Variants in ROCK2 observed in about 807,000 individuals in gnomAD.
The protein encoded by ROCK2 is rho-associated protein kinase 2.
ROCK2 carries 61 observed loss-of-function variants against 195.1 expected under a neutral mutation model. That is an observed-to-expected ratio of 0.31 (90% confidence interval 0.25 to 0.39). The LOEUF (loss-of-function observed/expected upper bound fraction) is 0.39, where lower values mean the gene tolerates loss of function less well. Ranked by LOEUF, ROCK2 falls within the 10% of genes least tolerant of loss-of-function variation. ROCK2 has a pLI of 1.00. For missense variants in ROCK2, 1,109 were observed against 1,637.4 expected (o/e 0.68, Z 5.57); for synonymous variants, 504 against 545.5 (o/e 0.92, Z 1.06).
intron 1 of ROCK2, among the ~76,000 whole-genome samples, chr2:11,322,889 A>G (rs1668442496): frequency 6.6e-6 from 1 of 152,172 alleles, no homozygotes; most frequent in Admixed American, 6.5e-5. Context: ...CTAACAACTA[A>G]TGAGTTTTAA....
At chr2:11,288,123 T>C (rs1231850663) in intron 1 of ROCK2, among the ~76,000 whole-genome samples, 1 of 152,216 alleles carries the variant, frequency 6.6e-6, no homozygotes, top group Non-Finnish European at 1.5e-5. Flanking sequence ...TTGTGCCTAG[T>C]GCAGATTAAG....
At chr2:11,245,424 G>A (rs1665578705) in intron 4 of ROCK2, among the ~76,000 whole-genome samples, 5 of 151,936 alleles carry the variant, frequency 3.3e-5, no homozygotes, top group Admixed American at 3.3e-4. Flanking sequence ...ATTTAAAATA[G>A]TTACAATATC....
At chr2:11,207,600 G>A in intron 20 of ROCK2, 126 bp downstream of exon 20, 1 of 673,000 alleles carries the variant, frequency 1.5e-6, no homozygotes, top group Non-Finnish European at 2.4e-6. Context: ...CACATTACCT[G>A]TACAGAAATA....
At chr2:11,215,212 G>C in intron 15 of ROCK2, 109 bp downstream of exon 15, 1 of 1,454,176 alleles carries the variant, frequency 6.9e-7, no homozygotes, top group Non-Finnish European at 9.2e-7. Context: ...TTTTCCAAAT[G>C]ATTTCTAAAA....
At chr2:11,208,238 C>CT in intron 19 of ROCK2, 49 bp downstream of exon 19, 2 of 1,099,200 alleles carry the variant, frequency 1.8e-6, no homozygotes. Flanking sequence ...ATGAATAAAC[C>CT]TATTAATTCA....
In ROCK2 at chr2:11,180,799, G is replaced by T. The variant is rs1459962111; in HGVS notation, c.*2638C>A. 1.3e-5 allele frequency: 2 copies of T among 152,160 alleles called. No homozygotes were observed. Among genetic ancestry groups the T allele is most frequent in the Non-Finnish European group, 1.5e-5 (1 of 68,034 alleles). The allele number at this position is 152,160 out of a possible 1,614,324, so 9.4% of individuals were successfully genotyped here. On this transcript the variant is annotated 3_prime_UTR_variant, in exon 33 of 33. Coordinates refer to ENST00000315872, the MANE Select transcript of ROCK2 (RefSeq NM_004850.5). ...TTGTTTTATATTTAATAAGTGTTGG[G>T]AAGAAAACACATTGATAGGTGCATG... is the stretch of plus-strand genomic sequence containing the variant.
rs1572209800 is a variant in ROCK2, at chr2:11,182,778, G to C, written c.*659C>G. Reference sequence around the variant, plus strand: ...CTTTAAACTTCTTGTTACAGTAACTGCTTAAACATGAACATGCAACTTCCA... The same window carrying C: ...CTTTAAACTTCTTGTTACAGTAACTCCTTAAACATGAACATGCAACTTCCA... On this transcript the variant is annotated 3_prime_UTR_variant, in exon 33 of 33. Coordinates refer to ENST00000315872, the MANE Select transcript of ROCK2 (RefSeq NM_004850.5). 6.6e-6 allele frequency: 1 copy of C among 152,516 alleles called. No homozygotes were observed. Among genetic ancestry groups the C allele is most frequent in the East Asian group, 1.9e-4 (1 of 5,198 alleles). The allele number at this position is 152,516 out of a possible 1,614,324, so 9.4% of individuals were successfully genotyped here.
chr2:11,315,389 G>A (rs1054751063), intron 1 of ROCK2, among the ~76,000 whole-genome samples: 21 of 151,898 alleles, frequency 1.4e-4, no homozygotes, highest in African/African-American at 4.8e-4. Context: ...TACAATGTTA[G>A]GGGAACAAAA....
intron 4 of ROCK2, among the ~76,000 whole-genome samples, chr2:11,248,634 G>A (rs11674991): frequency 0.45 from 65,157 of 143,932 alleles, 14,986 homozygotes; most frequent in Admixed American, 0.56. Context: ...GCTTGAACCC[G>A]GGAAGCAGAG....
Position 11,194,258 on chromosome 2 carries a change from T to G in ROCK2, c.3606A>C (p.Ile1202=), listed in dbSNP as rs55839233. 3.7e-4 allele frequency: 492 copies of G among 1,325,790 alleles called. 9 individuals are homozygous for G. The East Asian group carries it at 8.7e-3, about 23-fold the overall frequency. 82.1% of individuals were successfully genotyped at this position (1,325,790 alleles called of 1,614,324 possible). The change falls in exon 29 of 33, where the codon ATA becomes ATC. Residue 1202 remains isoleucine, a splice_region_variant and synonymous_variant. Coordinates refer to ENST00000315872, the MANE Select transcript of ROCK2 (RefSeq NM_004850.5). ...EQSNPYMVLD[I]DKLFHVRPVT... ...AATATTCTAACAAAAACACTTACTCTATATCTAAAACCATGTAAGGATTGG... is the reference window on the plus strand; with the variant it reads ...AATATTCTAACAAAAACACTTACTCGATATCTAAAACCATGTAAGGATTGG...
chr2:11,219,436 G>C (rs546036544), intron 9 of ROCK2, among the ~76,000 whole-genome samples: 42 of 151,696 alleles, frequency 2.8e-4, no homozygotes, highest in African/African-American at 1.0e-3. Context: ...GCTGGAACCC[G>C]GGAGGTGGAG....
intron 1 of ROCK2, among the ~76,000 whole-genome samples, chr2:11,304,469 G>A (rs530261316): frequency 6.6e-6 from 1 of 152,276 alleles, no homozygotes; most frequent in Non-Finnish European, 1.5e-5. Context: ...AACTCCACCA[G>A]ATTTCACCAC....
chr2:11,219,859 CACTT>C (rs1391157676), intron 9 of ROCK2, among the ~76,000 whole-genome samples: 3 of 138,784 alleles, frequency 2.2e-5, no homozygotes, highest in African/African-American at 7.8e-5. Context: ...CCCCAAAACT[CACTT>C]TTTTTTTTTT....
chr2:11,337,958 A>T (rs1441231698), intron 1 of ROCK2, among the ~76,000 whole-genome samples: 2 of 152,168 alleles, frequency 1.3e-5, no homozygotes, highest in Non-Finnish European at 2.9e-5. Context: ...TTTCTTAAAA[A>T]GTAAACACAT....
At chr2:11,227,212 AT>A (rs772195885) in intron 6 of ROCK2, 41 bp downstream of exon 6, 9 of 1,539,160 alleles carry the variant, frequency 5.8e-6, no homozygotes, top group Non-Finnish European at 8.0e-6. Flanking sequence ...ATAAAGTATT[AT>A]AAGAAGCATT....
chr2:11,224,547 A>G, intron 6 of ROCK2, 87 bp from the exon 7 acceptor site: 2 of 1,201,354 alleles, frequency 1.7e-6, no homozygotes, highest in South Asian at 2.6e-5. Flanking sequence ...GTTAAGTTTA[A>G]ATTTGTCACA....
chr2:11,324,735 T>C (rs1021643522), intron 1 of ROCK2, among the ~76,000 whole-genome samples: 1 of 152,236 alleles, frequency 6.6e-6, no homozygotes, highest in South Asian at 2.1e-4. Flanking sequence ...TCTAACAAGT[T>C]AGTAAAGCAC....
chr2:11,291,950 G>T (rs1378508043), intron 1 of ROCK2, among the ~76,000 whole-genome samples: 1 of 151,566 alleles, frequency 6.6e-6, no homozygotes, highest in Non-Finnish European at 1.5e-5. Flanking sequence ...GAAGCCAGAT[G>T]AAGAGTGCAG....
In ROCK2 at chr2:11,259,277, T is replaced by C. The variant is rs143875310; in HGVS notation, c.325-9479A>G. On this transcript the variant is annotated intron_variant, in intron 3 of 32. Transcript: ENST00000315872. Reference sequence around the variant, plus strand: ...ATTTAAATGGATGACTTTTCCCTAGTTGGTGATCACTAGGGTAAAGACCAG... The same window carrying C: ...ATTTAAATGGATGACTTTTCCCTAGCTGGTGATCACTAGGGTAAAGACCAG... 9.6e-5 allele frequency among the ~76,000 whole-genome samples: 14 copies of C among 145,242 alleles called. No homozygotes were observed. The East Asian group carries it at 2.8e-3, about 29-fold the overall frequency.
Sources: allele counts gnomAD v4.1 joint callset (sites outside exome capture counted in the v4.1 genomes callset), GRCh38; gene constraint gnomAD v4.1.1; transcripts MANE v1.5; gene names NCBI Gene and HGNC (gene_info 2026-07-23, HGNC 2026-07-21).